Variants in DISC1 observed in about 807,000 individuals in gnomAD.
DISC1 encodes the protein DISC1 scaffold protein.
DISC1 carries 57 observed loss-of-function variants against 84.5 expected under a neutral mutation model. The observed-to-expected ratio is 0.67, with a 90% CI of 0.55 to 0.84. The LOEUF (loss-of-function observed/expected upper bound fraction) is 0.84. Among genes scored for constraint, DISC1 ranks in the 40% least tolerant of loss-of-function variants. The pLI is 0.00. For synonymous variants in DISC1, 411 were observed against 415.2 expected, an observed-to-expected ratio of 0.99 and a Z score of 0.12; for missense variants, 1,000 against 1,057.8, an observed-to-expected ratio of 0.95 and a Z score of 0.76.
intron 9 of DISC1, among the ~76,000 whole-genome samples, chr1:231,831,227 C>G (rs2082200274): frequency 6.6e-6 from 1 of 152,030 alleles, no homozygotes. Flanking sequence ...CTGAACAATC[C>G]CCAAGGGGTA....
At chr1:231,943,538 T>C (rs887017650) in intron 9 of DISC1, among the ~76,000 whole-genome samples, 1 of 152,072 alleles carries the variant, frequency 6.6e-6, no homozygotes. Flanking sequence ...GGGGTGTGGG[T>C]TCTGGATTTC....
chr1:231,767,058 A>G, intron 4 of DISC1, 82 bp from the exon 5 acceptor site: 1 of 1,576,744 alleles, frequency 6.3e-7, no homozygotes, highest in Non-Finnish European at 8.7e-7. Context: ...CACTTGCTGG[A>G]GTTTCTTACT....
chr1:231,975,093 A>G (rs1662600798), intron 10 of DISC1, among the ~76,000 whole-genome samples: 1 of 152,060 alleles, frequency 6.6e-6, no homozygotes, highest in African/African-American at 2.4e-5. Flanking sequence ...AGAGAGACTC[A>G]ATTTCAAAAG....
intron 9 of DISC1, among the ~76,000 whole-genome samples, chr1:231,929,955 G>C (rs1400259103): frequency 6.6e-6 from 1 of 152,038 alleles, no homozygotes; most frequent in African/African-American, 2.4e-5. Flanking sequence ...TAGGAGCCTG[G>C]GTGACACAGG....
chr1:231,729,062 A>T (rs950744607), intron 3 of DISC1, among the ~76,000 whole-genome samples: 1 of 152,052 alleles, frequency 6.6e-6, no homozygotes, highest in Non-Finnish European at 1.5e-5. Flanking sequence ...TCATTGTTCA[A>T]TTCCCACCTA....
intron 3 of DISC1, among the ~76,000 whole-genome samples, chr1:231,734,907 C>T (rs567966931): frequency 1.3e-5 from 2 of 152,278 alleles, no homozygotes; most frequent in East Asian, 1.9e-4. Context: ...TTGGTGTTCC[C>T]TGAAAAGATC....
At chr1:231,761,517 A>G (rs984350919) in intron 4 of DISC1, among the ~76,000 whole-genome samples, 2 of 152,152 alleles carry the variant, frequency 1.3e-5, no homozygotes, top group Non-Finnish European at 2.9e-5. Flanking sequence ...TGAGAGACAG[A>G]CAGAAGAGTT....
At position 231,824,228 on chromosome 1, in the gene DISC1, A is replaced by C. The variant is rs1358356375; in HGVS notation, c.1981+5711A>C. ...AAGCCGTCTGCTTTGGAACCAGATG[A>C]GTGTTGCGGTGCTATGTGGCAAGAA... On this transcript the variant is annotated intron_variant, in intron 9 of 12. Transcript: ENST00000439617. Among the ~76,000 whole-genome samples the C allele has an allele frequency of 3.3e-5, 5 of 152,050 alleles. No individual in the cohort carries two copies. In the East Asian group the frequency reaches 9.6e-4, roughly 29 times the overall value.
intron 1 of DISC1, among the ~76,000 whole-genome samples, chr1:231,632,584 C>G (rs1281088819): frequency 1.3e-5 from 2 of 152,232 alleles, no homozygotes; most frequent in Non-Finnish European, 2.9e-5. Context: ...ATCTGGCCTT[C>G]TTCTTTTACA....
At chr1:231,919,205 G>C (rs1463538641) in intron 9 of DISC1, among the ~76,000 whole-genome samples, 1 of 152,154 alleles carries the variant, frequency 6.6e-6, no homozygotes, top group Non-Finnish European at 1.5e-5. Context: ...ATTTATACCA[G>C]CTCAGTGGCA....
intron 7 of DISC1, among the ~76,000 whole-genome samples, chr1:231,799,387 C>T (rs1396518331): frequency 2.6e-5 from 4 of 152,116 alleles, no homozygotes; most frequent in Non-Finnish European, 5.9e-5. Flanking sequence ...TCACTGCGTA[C>T]TATGTGCCAG....
intron 10 of DISC1, among the ~76,000 whole-genome samples, chr1:231,992,892 A>G (rs186264274): frequency 2.0e-3 from 302 of 152,284 alleles, no homozygotes; most frequent in African/African-American, 6.9e-3. Context: ...TTGCTAGTCT[A>G]TAGGCTTCAT....
chr1:231,855,292 T>C, intron 9 of DISC1: 1 of 939,796 alleles, frequency 1.1e-6, no homozygotes, highest in Non-Finnish European at 1.3e-6. Flanking sequence ...AACATATGTA[T>C]ATTTCAAAAT....
chr1:231,889,942 T>C (rs1382039873), intron 9 of DISC1, among the ~76,000 whole-genome samples: 5 of 152,106 alleles, frequency 3.3e-5, no homozygotes, highest in Non-Finnish European at 7.4e-5. Flanking sequence ...TAGCTATAAT[T>C]TGGGTTGTGC....
At chr1:232,008,341 T>A (rs965676693) in intron 10 of DISC1, among the ~76,000 whole-genome samples, 27 of 152,224 alleles carry the variant, frequency 1.8e-4, no homozygotes, top group African/African-American at 6.0e-4. Flanking sequence ...AAAAAGGTTA[T>A]TTAAGCCGAG....
At chr1:231,958,091 T>C (rs1371307194) in intron 9 of DISC1, among the ~76,000 whole-genome samples, 1 of 152,228 alleles carries the variant, frequency 6.6e-6, no homozygotes, top group East Asian at 1.9e-4. Context: ...GCTGCAGGTG[T>C]TCTTCCAGGC....
In DISC1 at chr1:232,038,201, T is replaced by C. The variant is rs962541586; in HGVS notation, c.*1370T>C. On this transcript the variant is annotated 3_prime_UTR_variant, in exon 13 of 13. Coordinates refer to ENST00000439617, the MANE Select transcript of DISC1 (RefSeq NM_018662.3). The stretch of plus-strand genomic sequence containing the variant: ...ACACAGGGCAGCTAGTACTCAGTAC[T>C]ATAAGTACTGAGTACTTATATAGGC... 6.6e-6 allele frequency: 1 copy of C among 152,060 alleles called. No individual in the cohort carries two copies. Among genetic ancestry groups the C allele is most frequent in the African/African-American group, 2.4e-5 (1 of 41,406 alleles). The allele number at this position is 152,060 out of a possible 1,614,324, so 9.4% of individuals were successfully genotyped here.
At chr1:231,758,690 G>A (rs2075367861) in intron 4 of DISC1, among the ~76,000 whole-genome samples, 2 of 152,190 alleles carry the variant, frequency 1.3e-5, no homozygotes, top group African/African-American at 4.8e-5. Context: ...AGAAGAGAGA[G>A]GCTTCTGTTC....
At chr1:231,844,679 CA>C (rs2083316946) in intron 9 of DISC1, among the ~76,000 whole-genome samples, 1 of 152,070 alleles carries the variant, frequency 6.6e-6, no homozygotes, top group East Asian at 1.9e-4. Context: ...CAATACCCAG[CA>C]TTTTGGGAGG....
Sources: allele counts gnomAD v4.1 joint callset (sites outside exome capture counted in the v4.1 genomes callset), GRCh38; gene constraint gnomAD v4.1.1; transcripts MANE v1.5; gene names NCBI Gene and HGNC (gene_info 2026-07-23, HGNC 2026-07-21).